The following ILKAP variants were observed in gnomAD, a reference collection of about 807,000 sequenced individuals.
ILKAP encodes integrin-linked kinase-associated serine/threonine phosphatase 2C.
ILKAP carries 11 observed loss-of-function variants against 49.1 expected under a neutral mutation model. The ratio of observed to expected loss-of-function variants is 0.22; its 90% confidence interval spans 0.14 to 0.37. The LOEUF is 0.37. Among genes scored for constraint, ILKAP ranks in the 10% least tolerant of loss-of-function variants. The probability of loss-of-function intolerance (pLI) is 1.00; values close to 1 mark genes in which losing one functional copy is unlikely to be tolerated. For synonymous variants in ILKAP, 186 were observed against 192.8 expected (o/e 0.96, Z 0.29); for missense variants, 363 against 510.8 (o/e 0.71, Z 2.79).
At chr2:238,202,179 T>G (rs553891885) in intron 1 of ILKAP, among the ~76,000 whole-genome samples, 1 of 152,178 alleles carries the variant, frequency 6.6e-6, no homozygotes, top group Non-Finnish European at 1.5e-5. Flanking sequence ...GATCTCACCA[T>G]TGCACTCCAG....
At chr2:238,177,073 TAAAATA>T (rs1216799421) in intron 9 of ILKAP, among the ~76,000 whole-genome samples, 1 of 152,206 alleles carries the variant, frequency 6.6e-6, no homozygotes, top group African/African-American at 2.4e-5. Context: ...GCCTTCCTTG[TAAAATA>T]AAAATAAAAC....
intron 9 of ILKAP, among the ~76,000 whole-genome samples, chr2:238,177,329 A>G (rs1220639729): frequency 1.3e-5 from 2 of 152,240 alleles, no homozygotes; most frequent in African/African-American, 4.8e-5. Context: ...TAAAATATAC[A>G]TGACATTTAC....
chr2:238,194,675 C>CTTA, intron 2 of ILKAP, 130 bp downstream of exon 2: 1 of 950,744 alleles, frequency 1.1e-6, no homozygotes, highest in Non-Finnish European at 1.6e-6. Flanking sequence ...GGATTCAAAA[C>CTTA]TTAAAGACAG....
Position 238,170,440 on chromosome 2 carries a change from G to A in ILKAP, c.*96C>T. The stretch of plus-strand genomic sequence containing the variant: ...GAGAAACCTTTATTTACAACCATGG[G>A]AGTCCCACAGGAGTACACAAAACAC... On this transcript the variant is annotated 3_prime_UTR_variant, in exon 12 of 12. Transcript: ENST00000254654. The A allele has an allele frequency of 7.7e-7, 1 of 1,301,832 alleles. No homozygotes were observed. Among genetic ancestry groups the A allele is most frequent in the Non-Finnish European group, 1.1e-6 (1 of 951,460 alleles). The allele number at this position is 1,301,832 out of a possible 1,614,324, so 80.6% of individuals were successfully genotyped here.
intron 3 of ILKAP, among the ~76,000 whole-genome samples, chr2:238,193,994 A>G (rs1252659616): frequency 1.3e-5 from 2 of 152,234 alleles, no homozygotes; most frequent in Non-Finnish European, 2.9e-5. Flanking sequence ...TGAATTTTTA[A>G]AAAATGTTAA....
intron 1 of ILKAP, 43 bp from the exon 2 acceptor site, chr2:238,194,913 C>T: frequency 6.8e-7 from 1 of 1,471,204 alleles, no homozygotes. Flanking sequence ...TGGTCATCAC[C>T]CAGGACAGAT....
At chr2:238,170,712 A>T in intron 11 of ILKAP, 36 bp from the exon 12 acceptor site, 1 of 1,599,460 alleles carries the variant, frequency 6.3e-7, no homozygotes, top group Non-Finnish European at 8.5e-7. Context: ...GAATGGAGTG[A>T]CCCCGCACCC....
chr2:238,170,402 T>G lies in ILKAP; in HGVS notation c.*134A>C. 4 of 981,956 alleles carry G rather than the reference T, an allele frequency of 4.1e-6. No individual in the cohort carries two copies. The highest frequency in any genetic ancestry group is 6.0e-6 in the Non-Finnish European group (4 of 669,590). 60.8% of individuals were successfully genotyped at this position (981,956 alleles called of 1,614,324 possible). ...CTCACAGTATAATAACTCAAAAGAC[T>G]AGGAAAAAAAAAGAGAAACCTTTAT... On this transcript the variant is annotated 3_prime_UTR_variant, in exon 12 of 12. Coordinates refer to ENST00000254654, the MANE Select transcript of ILKAP (RefSeq NM_030768.3).
At chr2:238,179,764 G>A (rs1469413866) in intron 9 of ILKAP, among the ~76,000 whole-genome samples, 1 of 152,098 alleles carries the variant, frequency 6.6e-6, no homozygotes, top group East Asian at 1.9e-4. Context: ...ATCTAAAGAA[G>A]GTCTTACACC....
chr2:238,202,501 G>A (rs912133774), intron 1 of ILKAP, among the ~76,000 whole-genome samples: 1 of 152,132 alleles, frequency 6.6e-6, no homozygotes, highest in African/African-American at 2.4e-5. Context: ...CTGGTCTCCA[G>A]CCCCCGCTGG....
chr2:238,183,333 A>C (rs1295393474), intron 8 of ILKAP, among the ~76,000 whole-genome samples: 2 of 152,226 alleles, frequency 1.3e-5, no homozygotes, highest in Non-Finnish European at 2.9e-5. Flanking sequence ...GATTTAGGCT[A>C]CTTGCATACT....
At chr2:238,172,175 C>T (rs1011289639) in intron 10 of ILKAP, among the ~76,000 whole-genome samples, 7 of 152,088 alleles carry the variant, frequency 4.6e-5, no homozygotes, top group African/African-American at 1.4e-4. Context: ...CCTCAGCCTC[C>T]TGAGTAGCTG....
intron 1 of ILKAP, among the ~76,000 whole-genome samples, chr2:238,197,357 A>G (rs1694385789): frequency 6.6e-6 from 1 of 152,212 alleles, no homozygotes; most frequent in Non-Finnish European, 1.5e-5. Flanking sequence ...GAGATGTTCC[A>G]GACAATCACG....
rs1185843546 is a variant in ILKAP at position 238,176,156 on chromosome 2, C to CA, written c.837-2504dup. Among the ~76,000 whole-genome samples the CA allele has an allele frequency of 2.6e-3, 54 of 20,458 alleles. 2 individuals are homozygous for CA. In the Admixed American group the frequency reaches 0.03, roughly 11 times the overall value. The allele number at this position is 20,458 out of a possible 152,430, so 13.4% of individuals were successfully genotyped here. A position where few individuals can be genotyped will look rare whatever the true frequency, so the allele number is the denominator to read the frequency against. ...GTGGCTTTTTTTTTTTTTTTTGAGA[C>CA]AGAGTCTCACTCTATTGCCCAGGCT... is the stretch of plus-strand genomic sequence containing the variant. On this transcript the variant is annotated intron_variant, in intron 9 of 11. Transcript: ENST00000254654.
At chr2:238,195,726 T>C (rs920507652) in intron 1 of ILKAP, among the ~76,000 whole-genome samples, 3 of 152,084 alleles carry the variant, frequency 2.0e-5, no homozygotes, top group African/African-American at 7.2e-5. Flanking sequence ...CACCTCTTGC[T>C]CCTCAGAGTT....
At chr2:238,202,784 A>G (rs1291615920) in intron 1 of ILKAP, among the ~76,000 whole-genome samples, 1 of 151,734 alleles carries the variant, frequency 6.6e-6, no homozygotes, top group Non-Finnish European at 1.5e-5. Flanking sequence ...TAGGATGCTG[A>G]GCTCAAACCA....
In ILKAP at chr2:238,183,794, G is replaced by A. The variant is rs1435641143; in HGVS notation, c.627-54C>T. On this transcript the variant is annotated intron_variant, in intron 7 of 11. Transcript: ENST00000254654. ...CACCACCAATAGCCCAGCACTTTGA[G>A]ACTAATTTCCAGAGCTCAATGGGAA... is the stretch of plus-strand genomic sequence containing the variant. 5 of 1,345,286 alleles carry A rather than the reference G, an allele frequency of 3.7e-6. No homozygotes were observed. The African/African-American group carries it at 5.9e-5, about 16-fold the overall frequency. 83.3% of individuals were successfully genotyped at this position (1,345,286 alleles called of 1,614,324 possible). A position where few individuals can be genotyped will look rare whatever the true frequency, so the allele number is the denominator to read the frequency against.
At chr2:238,180,503 GA>G (rs1252397918) in intron 9 of ILKAP, among the ~76,000 whole-genome samples, 2 of 152,238 alleles carry the variant, frequency 1.3e-5, no homozygotes, top group African/African-American at 4.8e-5. Context: ...ACTGCTAGTA[GA>G]TTTGGAAATG....
At chr2:238,200,555 T>C (rs35673727) in intron 1 of ILKAP, among the ~76,000 whole-genome samples, 42,231 of 152,166 alleles carry the variant, frequency 0.28, 6,269 homozygotes, top group South Asian at 0.37. Context: ...CACAGTGGCT[T>C]ACCACTGTAA....
Sources: allele counts gnomAD v4.1 joint callset (sites outside exome capture counted in the v4.1 genomes callset), GRCh38; gene constraint gnomAD v4.1.1; transcripts MANE v1.5; gene names NCBI Gene and HGNC (gene_info 2026-07-23, HGNC 2026-07-21).